Variants in SZRD1 observed in about 807,000 individuals in gnomAD.
The protein encoded by SZRD1 is SUZ RNA-binding domain-containing.
Under a neutral mutation model 17.6 loss-of-function variants are expected in SZRD1, and 7 were observed. That is an observed-to-expected ratio of 0.40 (90% CI 0.23 to 0.75). The LOEUF is 0.75. Ranked by LOEUF, SZRD1 falls within the 30% of genes least tolerant of loss-of-function variation. SZRD1 has a pLI of 0.38. For synonymous variants in SZRD1, 77 were observed against 77.9 expected, an observed-to-expected ratio of 0.99 and a Z score of 0.06; for missense variants, 178 against 201.8, an observed-to-expected ratio of 0.88 and a Z score of 0.71.
intron 1 of SZRD1, among the ~76,000 whole-genome samples, chr1:16,389,715 G>A (rs527433386): frequency 1.3e-5 from 2 of 152,052 alleles, no homozygotes; most frequent in South Asian, 2.1e-4. Context: ...AAAGTGCTGG[G>A]ATTATAGGCG....
At chr1:16,382,295 C>T (rs2083117641) in intron 1 of SZRD1, among the ~76,000 whole-genome samples, 1 of 151,356 alleles carries the variant, frequency 6.6e-6, no homozygotes, top group African/African-American at 2.4e-5. Context: ...TCAAGCGATT[C>T]TCCTGCCTCA....
rs1476274105 is a variant in SZRD1 at position 16,395,233 on chromosome 1, G to C, written c.*93G>C. ...ACTGCCGTGGCAGACAGCTGGACTTGAGCAGAGGGAACGACCTGACTTACT... is the reference window on the plus strand; with the variant it reads ...ACTGCCGTGGCAGACAGCTGGACTTCAGCAGAGGGAACGACCTGACTTACT... On this transcript the variant is annotated 3_prime_UTR_variant, in exon 4 of 4. Transcript: ENST00000401088. The C allele has an allele frequency of 5.7e-6, 5 of 876,058 alleles. No homozygotes were observed. Among genetic ancestry groups the C allele is most frequent in the African/African-American group, 4.9e-5 (3 of 60,838 alleles). The allele number at this position is 876,058 out of a possible 1,614,324, so 54.3% of individuals were successfully genotyped here. A position where few individuals can be genotyped will look rare whatever the true frequency, so the allele number is the denominator to read the frequency against.
At position 16,389,274 on chromosome 1, in the gene SZRD1, G is replaced by A. The variant is rs536029241; in HGVS notation, c.52-2101G>A. On this transcript the variant is annotated intron_variant, in intron 1 of 3. Coordinates refer to ENST00000401088, the MANE Select transcript of SZRD1 (RefSeq NM_001114600.3). ...AATTTTTTGTATTTTTTTGAGGGGG[G>A]GTGGGGGGGGGGCAGAGTCTTGCTC... 7.9e-3 allele frequency among the ~76,000 whole-genome samples: 1,054 copies of A among 133,072 alleles called. 8 individuals carry two copies. The highest frequency in any genetic ancestry group is 0.013 in the Non-Finnish European group (811 of 62,792). 87.3% of individuals were successfully genotyped at this position (133,072 alleles called of 152,430 possible).
At position 16,397,950 on chromosome 1, in the gene SZRD1, G is replaced by T; in HGVS notation, c.*2810G>T. 1 of 593,874 alleles carries T rather than the reference G, an allele frequency of 1.7e-6. No homozygotes were observed. The highest frequency in any genetic ancestry group is 2.1e-6 in the Non-Finnish European group (1 of 472,420). The allele number at this position is 593,874 out of a possible 1,614,324, so 36.8% of individuals were successfully genotyped here. A position where few individuals can be genotyped will look rare whatever the true frequency, so the allele number is the denominator to read the frequency against. ...CTGGGGTCCTGTTTTCTGGTCGTGT[G>T]ATCCCAGGGGTGCACATGGGCCCCT... On this transcript the variant is annotated 3_prime_UTR_variant, in exon 4 of 4. Transcript: ENST00000401088. This position sits in a 1 kb window ranked among gnomAD's most constrained non-coding sequence, Gnocchi z 5.4.
In SZRD1 at chr1:16,368,683, A is replaced by G. The variant is rs568632664; in HGVS notation, c.51+1375A>G. 2.0e-5 allele frequency among the ~76,000 whole-genome samples: 3 copies of G among 152,328 alleles called. No homozygotes were observed. In the East Asian group the frequency reaches 5.8e-4, roughly 29 times the overall value. On this transcript the variant is annotated intron_variant, in intron 1 of 3. Coordinates refer to ENST00000401088, the MANE Select transcript of SZRD1 (RefSeq NM_001114600.3). ...CATTTTTGAGTGTCTGCTATATGCT[A>G]GGCAGTGTGCTTATCAGTGACTTTG...
At chr1:16,383,623 CT>C (rs560831090) in intron 1 of SZRD1, among the ~76,000 whole-genome samples, 11,501 of 130,982 alleles carry the variant, frequency 0.088, 522 homozygotes, top group Non-Finnish European at 0.13. Flanking sequence ...TCTTTTTTTC[CT>C]TTTTTTTTTT....
chr1:16,384,936 C>T (rs931283704), intron 1 of SZRD1, among the ~76,000 whole-genome samples: 2 of 152,122 alleles, frequency 1.3e-5, no homozygotes, highest in African/African-American at 2.4e-5. Context: ...TCATAGGGAG[C>T]TCAAGGCCAG....
In SZRD1 at chr1:16,395,300, C is replaced by T. The variant is rs2100757823; in HGVS notation, c.*160C>T. The T allele has an allele frequency of 1.5e-6, 1 of 678,532 alleles. No individual in the cohort carries two copies. The highest frequency in any genetic ancestry group is 2.8e-6 in the Non-Finnish European group (1 of 362,532). The allele number at this position is 678,532 out of a possible 1,614,324, so 42.0% of individuals were successfully genotyped here. A position where few individuals can be genotyped will look rare whatever the true frequency, so the allele number is the denominator to read the frequency against. ...TTGCTCCGCCCACTGTGACCTTGAACCCCATGCACTGTGACCTCCCCCCTT... is the reference window on the plus strand; with the variant it reads ...TTGCTCCGCCCACTGTGACCTTGAATCCCATGCACTGTGACCTCCCCCCTT... On this transcript the variant is annotated 3_prime_UTR_variant, in exon 4 of 4. Transcript: ENST00000401088.
chr1:16,387,212 G>A, intron 1 of SZRD1: 1 of 438,146 alleles, frequency 2.3e-6, no homozygotes, highest in South Asian at 1.6e-5. Context: ...CATTTACTCA[G>A]ACATGGCCTA....
At chr1:16,378,598 A>G (rs1342843301) in intron 1 of SZRD1, among the ~76,000 whole-genome samples, 3 of 151,428 alleles carry the variant, frequency 2.0e-5, no homozygotes, top group Non-Finnish European at 4.4e-5. Flanking sequence ...CAACTTATTT[A>G]TAGCTTTAAG....
chr1:16,386,652 C>T (rs988359171), intron 1 of SZRD1, among the ~76,000 whole-genome samples: 2 of 152,088 alleles, frequency 1.3e-5, no homozygotes, highest in African/African-American at 4.8e-5. Flanking sequence ...CCTGCTTGGG[C>T]GCCTCTGAGC....
chr1:16,386,009 G>A (rs1570032593), intron 1 of SZRD1, among the ~76,000 whole-genome samples: 1 of 152,148 alleles, frequency 6.6e-6, no homozygotes, highest in South Asian at 2.1e-4. Context: ...AGAAGCTTGT[G>A]TCCCATTTCT....
chr1:16,368,246 G>A (rs1557619208), intron 1 of SZRD1, among the ~76,000 whole-genome samples: 1 of 152,204 alleles, frequency 6.6e-6, no homozygotes, highest in Non-Finnish European at 1.5e-5. Context: ...GTTCGCGTCT[G>A]TTCAATGCTG....
chr1:16,388,498 C>G (rs1271412901), intron 1 of SZRD1, among the ~76,000 whole-genome samples: 3 of 151,976 alleles, frequency 2.0e-5, no homozygotes, highest in Non-Finnish European at 4.4e-5. Context: ...TATGGTTAAT[C>G]TAGTTCATAC....
chr1:16,384,432 C>A (rs1484160243), intron 1 of SZRD1, among the ~76,000 whole-genome samples: 1 of 150,652 alleles, frequency 6.6e-6, no homozygotes, highest in Middle Eastern at 3.5e-3. Context: ...ACATTTTTAT[C>A]TGATAGTTTT....
At chr1:16,370,061 C>T (rs764872763) in intron 1 of SZRD1, among the ~76,000 whole-genome samples, 15 of 152,016 alleles carry the variant, frequency 9.9e-5, no homozygotes, top group Admixed American at 7.2e-4. Context: ...ACGGAGGTTT[C>T]GAGAGTAACC....
intron 1 of SZRD1, among the ~76,000 whole-genome samples, chr1:16,373,472 G>A (rs1398029697): frequency 2.0e-5 from 3 of 149,706 alleles, no homozygotes; most frequent in Non-Finnish European, 4.5e-5. Flanking sequence ...CCAGCTACTC[G>A]GGAGGCCAAG....
chr1:16,382,040 T>G (rs2100722451), intron 1 of SZRD1, among the ~76,000 whole-genome samples: 1 of 152,228 alleles, frequency 6.6e-6, no homozygotes, highest in East Asian at 1.9e-4. Context: ...GTGGGGCCAA[T>G]GTGGTGGCCA....
intron 1 of SZRD1, chr1:16,369,582 G>C: frequency 1.5e-6 from 1 of 653,050 alleles, no homozygotes; most frequent in Non-Finnish European, 2.7e-6. Context: ...CCTTACTTTA[G>C]TAATATCCTT....
Sources: allele counts gnomAD v4.1 joint callset (sites outside exome capture counted in the v4.1 genomes callset), GRCh38; gene constraint gnomAD v4.1.1; non-coding constraint Gnocchi (gnomAD v3.1); transcripts MANE v1.5; gene names NCBI Gene and HGNC (gene_info 2026-07-23, HGNC 2026-07-21).